XDH: variants seen among roughly 807,000 people sequenced by gnomAD.
XDH encodes xanthine dehydrogenase.
XDH carries 138 observed loss-of-function variants against 156.1 expected under a neutral mutation model. The observed-to-expected ratio is 0.88, with a 90% CI of 0.77 to 1.02. The LOEUF (loss-of-function observed/expected upper bound fraction) is 1.02, where lower values mean the gene tolerates loss of function less well. XDH is among the 50% of genes least tolerant of loss of function. The pLI is 0.00. For synonymous variants in XDH, 669 were observed against 625.7 expected, an observed-to-expected ratio of 1.07 and a Z score of -1.03; for missense variants, 1,849 against 1,684.9, an observed-to-expected ratio of 1.10 and a Z score of -1.71.
At chr2:31,392,222 A>G (rs527592293) in intron 6 of XDH, among the ~76,000 whole-genome samples, 35 of 151,860 alleles carry the variant, frequency 2.3e-4, no homozygotes, top group African/African-American at 8.0e-4. Flanking sequence ...GAGGCTTATT[A>G]ATTTCATTGA....
chr2:31,388,010 C>T, intron 7 of XDH, 113 bp from the exon 8 acceptor site: 1 of 1,267,970 alleles, frequency 7.9e-7, no homozygotes, highest in Non-Finnish European at 1.1e-6. Context: ...CTGCAGGCTG[C>T]AAGAGGAGCA....
rs142300391 is a variant in XDH, at chr2:31,370,105, A to G, written c.1980+250T>C. ...AGAACCGAATTGTTAGTTCAAATGC[A>G]ATCACCAGTGTTGTTTTACTGCCAC... On this transcript the variant is annotated intron_variant, in intron 18 of 35. Transcript: ENST00000379416. 8.7e-4 allele frequency among the ~76,000 whole-genome samples: 132 copies of G among 152,358 alleles called. 1 individual carries two copies. Among genetic ancestry groups the G allele is most frequent in the African/African-American group, 2.9e-3 (121 of 41,582 alleles).
chr2:31,397,270 A>G (rs900772920), intron 6 of XDH, among the ~76,000 whole-genome samples: 20 of 152,222 alleles, frequency 1.3e-4, no homozygotes, highest in African/African-American at 4.8e-4. Context: ...AGAGGGAAGG[A>G]GGAGGGGTGC....
Position 31,389,843 on chromosome 2 carries a change from T to TA in XDH, c.496-1549dup, listed in dbSNP as rs898164517. Among the ~76,000 whole-genome samples the TA allele has an allele frequency of 6.0e-5, 9 of 150,968 alleles. No individual in the cohort carries two copies. The East Asian group carries it at 9.7e-4, about 16-fold the overall frequency. Reference sequence around the variant, plus strand: ...GCTAAGGCTTCTGCACTGGTGCCTTTAAAAAAAAAAGTTTTTTTTTTAGAG... The same window carrying TA: ...GCTAAGGCTTCTGCACTGGTGCCTTTAAAAAAAAAAAGTTTTTTTTTTAGAG... On this transcript the variant is annotated intron_variant, in intron 6 of 35. Coordinates refer to ENST00000379416, the MANE Select transcript of XDH (RefSeq NM_000379.4).
chr2:31,392,416 ATTAT>A (rs377227561), intron 6 of XDH, among the ~76,000 whole-genome samples: 15 of 149,838 alleles, frequency 1.0e-4, no homozygotes, highest in African/African-American at 2.7e-4. Context: ...TTTTATTTTT[ATTAT>A]TTATTTATTT....
intron 4 of XDH, 89 bp from the exon 5 acceptor site, chr2:31,398,788 A>G: frequency 6.3e-7 from 1 of 1,591,430 alleles, no homozygotes; most frequent in African/African-American, 1.3e-5. Flanking sequence ...ACATGTTGAG[A>G]GATAGTGGGG....
chr2:31,335,556 T>C lies in XDH; in HGVS notation c.*402A>G, dbSNP rs764419832. The C allele has an allele frequency of 1.0e-4, 31 of 302,700 alleles. No homozygotes were observed. Among genetic ancestry groups the C allele is most frequent in the Admixed American group, 7.4e-4 (16 of 21,748 alleles). 18.8% of individuals were successfully genotyped at this position (302,700 alleles called of 1,614,324 possible). On this transcript the variant is annotated 3_prime_UTR_variant, in exon 36 of 36. Transcript: ENST00000379416. The stretch of plus-strand genomic sequence containing the variant: ...CAGGCTTTCACAGGAAGGCACACGA[T>C]TTAAAGTAACTTCGGTTTAAGCTTC...
chr2:31,366,014 G>A lies in XDH; in HGVS notation c.2418C>T (p.Ser806=), dbSNP rs778011650. The A allele has an allele frequency of 6.2e-7, 1 of 1,614,054 alleles. No homozygotes were observed. The highest frequency in any genetic ancestry group is 8.5e-7 in the Non-Finnish European group (1 of 1,180,040). ...GGGCCACTGCCGTGGACACCACAGT[G>A]CTCCGGGTCTCCTTGCCTCCAAAGC... is the stretch of plus-strand genomic sequence containing the variant. ...GGGFGGKETR[S]TVVSTAVALA... Residue 806 remains serine, a synonymous_variant, in exon 22 of 36, where the codon AGC becomes AGT. Transcript: ENST00000379416.
In XDH at chr2:31,392,229, T is replaced by C. The variant is rs935251771; in HGVS notation, c.496-3934A>G. ...CCTGGCCAGAGGCTTATTAATTTCATTGATCTTTTTAAGGACCCAAATTTC... is the reference window on the plus strand; with the variant it reads ...CCTGGCCAGAGGCTTATTAATTTCACTGATCTTTTTAAGGACCCAAATTTC... On this transcript the variant is annotated intron_variant, in intron 6 of 35. Transcript: ENST00000379416. Among the ~76,000 whole-genome samples the C allele has an allele frequency of 6.6e-5, 10 of 152,102 alleles. No homozygotes were observed. The East Asian group carries it at 1.4e-3, about 21-fold the overall frequency.
In XDH at chr2:31,342,181, ACCTTATGATCT is replaced by A; in HGVS notation, c.3510_3519+1del. 6.2e-7 allele frequency: 1 copy of A among 1,613,746 alleles called. No homozygotes were observed. Among genetic ancestry groups the A allele is most frequent in the Non-Finnish European group, 8.5e-7 (1 of 1,179,770 alleles). On this transcript the variant is annotated splice_donor_variant and coding_sequence_variant, in exon 32 of 36. Transcript: ENST00000379416. LOFTEE classifies it high-confidence loss of function. The stretch of plus-strand genomic sequence containing the variant: ...AGTACTAAAGTTTTGCAAACTTCTT[ACCTTATGATCT>A]CCTGTTAGGCAGTCGATTTCTACTT...
At chr2:31,373,537 GTTT>G (rs1277523801) in intron 16 of XDH, among the ~76,000 whole-genome samples, 16 of 9,340 alleles carry the variant, frequency 1.7e-3, no homozygotes, top group Admixed American at 0.015. Context: ...TAGATGGTTT[GTTT>G]GTTTGTTTGT....
At chr2:31,363,093 C>G (rs1055767129) in intron 24 of XDH, among the ~76,000 whole-genome samples, 1 of 152,164 alleles carries the variant, frequency 6.6e-6, no homozygotes, top group Non-Finnish European at 1.5e-5. Context: ...GGGCTGATTA[C>G]TTGAAGTCAG....
chr2:31,370,075 C>T (rs1686031918), intron 18 of XDH, among the ~76,000 whole-genome samples: 1 of 152,052 alleles, frequency 6.6e-6, no homozygotes, highest in African/African-American at 2.4e-5. Flanking sequence ...TACTGTTGTC[C>T]CTTAAGAACC....
Position 31,373,934 on chromosome 2 carries a change from G to A in XDH, c.1625C>T (p.Thr542Ile). Residue 542 changes from threonine (T) to isoleucine (I), a missense_variant, in exon 16 of 36, where the codon ACT (threonine) becomes ATT (isoleucine). By Grantham distance (89) the Thr-to-Ile change is moderately conservative. Transcript: ENST00000379416. ...AAACAGTAAAGTTGCACTGGCGAAA[G>A]TGGGGTCCAGTTTACCACACTTCTG... is the stretch of plus-strand genomic sequence containing the variant. ...LEDKCGKLDP[T>I]FASATLLFQK... 1 of 1,613,888 alleles carries A rather than the reference G, an allele frequency of 6.2e-7. No homozygotes were observed. The highest frequency in any genetic ancestry group is 8.5e-7 in the Non-Finnish European group (1 of 1,179,888).
At position 31,339,493 on chromosome 2, in the gene XDH, G is replaced by T; in HGVS notation, c.3770C>A (p.Ser1257Ter). The stretch of plus-strand genomic sequence containing the variant: ...ACAGAGCCAGAGCAATGGTACCTTC[G>T]ATGCATAGATGGCCTTCTTGTTGGG... ...DCPNKKAIYA[S>*]KAVGEPPLFL... is the part of the protein sequence containing the mutation. The change falls in exon 34 of 36, where the codon TCG becomes TAG. Residue 1257 changes from serine to a stop codon, truncating the protein, a stop_gained. Coordinates refer to ENST00000379416, the MANE Select transcript of XDH (RefSeq NM_000379.4). LOFTEE classifies it high-confidence loss of function. 1 of 1,614,024 alleles carries T rather than the reference G, an allele frequency of 6.2e-7. No individual in the cohort carries two copies. The highest frequency in any genetic ancestry group is 8.5e-7 in the Non-Finnish European group (1 of 1,180,032).
In XDH at chr2:31,339,530, G is replaced by T. The variant is rs1391560681; in HGVS notation, c.3733C>A (p.Leu1245Ile). Residue 1245 changes from leucine (L) to isoleucine (I), a missense_variant, in exon 34 of 36, where the codon CTC becomes ATC. Physicochemically the swap from Leu to Ile is conservative, Grantham distance 5. Coordinates refer to ENST00000379416, the MANE Select transcript of XDH (RefSeq NM_000379.4). ...SIPIEFRVSL[L>I]RDCPNKKAIY... ...GCCTTCTTGTTGGGGCAGTCGCGGA[G>T]CAGGGACACCCTGAACTCAATGGGG... is the stretch of plus-strand genomic sequence containing the variant. The T allele has an allele frequency of 1.9e-6, 3 of 1,614,216 alleles. No homozygotes were observed. In the Admixed American group the frequency reaches 5.0e-5, roughly 27 times the overall value.
chr2:31,339,772 G>A lies in XDH; in HGVS notation c.3586-95C>T, dbSNP rs927453444. ...ATGGACACAAAGCGCCAACTGCAGC[G>A]CGGCCTGGAATGTAGCTAAAACTGC... On this transcript the variant is annotated intron_variant, in intron 33 of 35. Transcript: ENST00000379416. The A allele has an allele frequency of 5.8e-5, 87 of 1,506,040 alleles. No homozygotes were observed. The Admixed American group carries it at 1.0e-3, about 18-fold the overall frequency. 93.3% of individuals were successfully genotyped at this position (1,506,040 alleles called of 1,614,324 possible). A position where few individuals can be genotyped will look rare whatever the true frequency, so the allele number is the denominator to read the frequency against.
intron 24 of XDH, among the ~76,000 whole-genome samples, chr2:31,352,629 T>C (rs1685515502): frequency 6.6e-6 from 1 of 152,238 alleles, no homozygotes; most frequent in South Asian, 2.1e-4. Context: ...ATATATTTGC[T>C]GGATTGAATT....
chr2:31,366,886 T>C lies in XDH; in HGVS notation c.2306A>G (p.Asn769Ser). 1 of 1,614,212 alleles carries C rather than the reference T, an allele frequency of 6.2e-7. No individual in the cohort carries two copies. The highest frequency in any genetic ancestry group is 1.1e-5 in the South Asian group (1 of 91,088). ...GEMELFVSTQ[N>S]TMKTQSFVAK... ...GGCATCTACCTGGGTCTTCATGGTG[T>C]TCTGTGTAGACACAAAGAGCTCCAT... is the stretch of plus-strand genomic sequence containing the variant. Residue 769 changes from asparagine (N) to serine (S), a missense_variant, in exon 21 of 36, where the codon AAC becomes AGC. Coordinates refer to ENST00000379416, the MANE Select transcript of XDH (RefSeq NM_000379.4).
Sources: allele counts gnomAD v4.1 joint callset (sites outside exome capture counted in the v4.1 genomes callset), GRCh38; gene constraint gnomAD v4.1.1; transcripts MANE v1.5; gene names NCBI Gene and HGNC (gene_info 2026-07-23, HGNC 2026-07-21).